The following TRPV5 variants were observed in gnomAD, a reference collection of about 807,000 sequenced individuals.
TRPV5 encodes the protein transient receptor potential cation channel subfamily V member 5.
In TRPV5, 66 loss-of-function variants were observed where a neutral mutation model predicts 74.1. That is an observed-to-expected ratio of 0.89 (90% CI 0.73 to 1.09). The LOEUF is 1.09. Among genes scored for constraint, TRPV5 ranks in the 50% least tolerant of loss-of-function variants. The pLI, the probability that TRPV5 is intolerant of heterozygous loss-of-function variation, is 0.00. For synonymous variants in TRPV5, 399 were observed against 360.7 expected (o/e 1.11, Z -1.20); for missense variants, 936 against 930.4 (o/e 1.01, Z -0.08).
At chr7:142,919,220 T>C (rs1795845683) in intron 8 of TRPV5, among the ~76,000 whole-genome samples, 1 of 152,190 alleles carries the variant, frequency 6.6e-6, no homozygotes, top group Non-Finnish European at 1.5e-5. Flanking sequence ...ACACTGAAAG[T>C]GTCTGGGTAC....
chr7:142,929,703 T>C, intron 3 of TRPV5, 138 bp from the exon 4 acceptor site: 1 of 1,364,116 alleles, frequency 7.3e-7, no homozygotes, highest in Non-Finnish European at 9.9e-7. Flanking sequence ...CAGGGTGGCC[T>C]GGGACTAAGA....
At position 142,908,777 on chromosome 7, in the gene TRPV5, G is replaced by C. The variant is rs557867585; in HGVS notation, c.1927C>G (p.Arg643Gly). Residue 643 changes from arginine (R) to glycine (G), a missense_variant, in exon 15 of 15, where the codon CGA (arginine) becomes GGA (glycine). Transcript: ENST00000265310. ...AACACTTCCACATAGCGAAGCACTC[G>C]CAGAGGATTCTGATCATTGTGGTTC... ...VENHNDQNPL[R>G]VLRYVEVFKN... 4 of 1,613,184 alleles carry C rather than the reference G, an allele frequency of 2.5e-6. No homozygotes were observed. The African/African-American group carries it at 5.3e-5, about 22-fold the overall frequency.
chr7:142,908,712 A>G lies in TRPV5; in HGVS notation c.1992T>C (p.Ser664=), dbSNP rs1490016020. 6.2e-7 allele frequency: 1 copy of G among 1,614,120 alleles called. No individual in the cohort carries two copies. Among genetic ancestry groups the G allele is most frequent in the East Asian group, 2.2e-5 (1 of 44,876 alleles). ...SDKEDDQEHP[S]EKQPSGAESG... The stretch of plus-strand genomic sequence containing the variant: ...TCTCAGCCCCAGAGGGCTGTTTCTC[A>G]GATGGATGCTCCTGGTCATCCTCCT... Residue 664 remains serine, a synonymous_variant, in exon 15 of 15, where the codon TCT becomes TCC. Transcript: ENST00000265310.
At chr7:142,919,833 G>A (rs1281494907) in intron 8 of TRPV5, among the ~76,000 whole-genome samples, 2 of 152,232 alleles carry the variant, frequency 1.3e-5, no homozygotes, top group East Asian at 3.9e-4. Flanking sequence ...TATGTGGAAA[G>A]GATGGGGAAC....
At chr7:142,917,150 T>C (rs966031604) in intron 8 of TRPV5, among the ~76,000 whole-genome samples, 24 of 151,990 alleles carry the variant, frequency 1.6e-4, no homozygotes, top group African/African-American at 5.8e-4. Context: ...GAATTCCTTC[T>C]CTTCTCTCCT....
Position 142,921,342 on chromosome 7 carries a change from C to T in TRPV5, c.1122+4187G>A, listed in dbSNP as rs548714934. ...TGTCGCCTGGCCTGGAGTGCAATGG[C>T]GTGATCTCGGCTCACTGCAACCTCT... On this transcript the variant is annotated intron_variant, in intron 8 of 14. Transcript: ENST00000265310. 9.2e-5 allele frequency among the ~76,000 whole-genome samples: 14 copies of T among 152,238 alleles called. No homozygotes were observed. The South Asian group carries it at 1.7e-3, about 18-fold the overall frequency.
Position 142,908,453 on chromosome 7 carries a change from C to T in TRPV5, c.*61G>A. The T allele has an allele frequency of 6.4e-7, 1 of 1,574,302 alleles. No homozygotes were observed. Among genetic ancestry groups the T allele is most frequent in the East Asian group, 2.2e-5 (1 of 44,454 alleles). ...TAGACACTTGCATAGGCAGAGGTCT[C>T]CGTCTCTGTCCCCGCCCCCAGGCCA... On this transcript the variant is annotated 3_prime_UTR_variant, in exon 15 of 15. Coordinates refer to ENST00000265310, the MANE Select transcript of TRPV5 (RefSeq NM_019841.7).
At chr7:142,909,801 T>C (rs1795676668) in intron 13 of TRPV5, among the ~76,000 whole-genome samples, 1 of 152,258 alleles carries the variant, frequency 6.6e-6, no homozygotes, top group South Asian at 2.1e-4. Flanking sequence ...AGAGAGGATT[T>C]TTTGTGAGTG....
chr7:142,913,010 TAAC>T (rs2116576921), intron 12 of TRPV5, among the ~76,000 whole-genome samples: 1 of 152,328 alleles, frequency 6.6e-6, no homozygotes, highest in Non-Finnish European at 1.5e-5. Context: ...AATAGTCATT[TAAC>T]AACAACAAAA....
chr7:142,913,848 T>A (rs1229508146), intron 12 of TRPV5, among the ~76,000 whole-genome samples: 2 of 152,228 alleles, frequency 1.3e-5, no homozygotes, highest in East Asian at 3.8e-4. Context: ...TTGCAGACAC[T>A]GAGGACTGAA....
chr7:142,930,598 G>A (rs1284939447), intron 1 of TRPV5, 152 bp from the exon 2 acceptor site: 7 of 670,814 alleles, frequency 1.0e-5, no homozygotes, highest in African/African-American at 3.6e-5. Context: ...TCGAATGACC[G>A]AGGGTGGACT....
chr7:142,915,410 T>C (rs760331615), intron 9 of TRPV5, 27 bp from the exon 10 acceptor site: 2 of 1,608,496 alleles, frequency 1.2e-6, no homozygotes, highest in South Asian at 2.2e-5. Flanking sequence ...AAAGCAAAAA[T>C]ACAATGTGGA....
intron 7 of TRPV5, 84 bp downstream of exon 7, chr7:142,928,004 C>T: frequency 8.3e-6 from 13 of 1,559,822 alleles, no homozygotes; most frequent in Non-Finnish European, 1.1e-5. Context: ...GTGTCTCAGG[C>T]CCAGGATCTT....
At chr7:142,922,229 C>T (rs894920687) in intron 8 of TRPV5, among the ~76,000 whole-genome samples, 14 of 152,146 alleles carry the variant, frequency 9.2e-5, no homozygotes, top group Non-Finnish European at 4.4e-5. Flanking sequence ...GCTGTTTAGC[C>T]TATATGAGGC....
chr7:142,917,469 CTG>C (rs1795821458), intron 8 of TRPV5, among the ~76,000 whole-genome samples: 1 of 152,084 alleles, frequency 6.6e-6, no homozygotes, highest in South Asian at 2.1e-4. Context: ...GCGAGGATGG[CTG>C]TGAAGATCAG....
intron 13 of TRPV5, among the ~76,000 whole-genome samples, chr7:142,910,328 A>C (rs1433455439): frequency 1.3e-5 from 2 of 152,226 alleles, no homozygotes; most frequent in African/African-American, 2.4e-5. Context: ...GTCATAGAAC[A>C]AAGGTGTGGG....
chr7:142,926,489 G>T (rs187854183), intron 7 of TRPV5, among the ~76,000 whole-genome samples: 1 of 152,278 alleles, frequency 6.6e-6, no homozygotes, highest in Admixed American at 6.5e-5. Context: ...TTCTACTGAA[G>T]CTGGAGGGGA....
intron 7 of TRPV5, among the ~76,000 whole-genome samples, chr7:142,927,624 G>A (rs1028952762): frequency 3.3e-5 from 5 of 152,020 alleles, no homozygotes; most frequent in African/African-American, 1.2e-4. Flanking sequence ...AGCAGGGGGA[G>A]GTGCCACACA....
intron 8 of TRPV5, among the ~76,000 whole-genome samples, chr7:142,923,663 G>A (rs910588539): frequency 6.6e-6 from 1 of 152,180 alleles, no homozygotes; most frequent in African/African-American, 2.4e-5. Context: ...CAAGAAGGAA[G>A]GCAGAAGAGA....
Sources: allele counts gnomAD v4.1 joint callset (sites outside exome capture counted in the v4.1 genomes callset), GRCh38; gene constraint gnomAD v4.1.1; transcripts MANE v1.5; gene names NCBI Gene and HGNC (gene_info 2026-07-23, HGNC 2026-07-21).